ATP1A3: variants seen among roughly 807,000 people sequenced by gnomAD.
The protein encoded by ATP1A3 is ATPase Na+/K+ transporting subunit alpha 3.
In ATP1A3, 12 loss-of-function variants were observed where a neutral mutation model predicts 108.8. The observed-to-expected ratio is 0.11, with a 90% CI of 0.07 to 0.18. ATP1A3 has a LOEUF of 0.18. Ranked by LOEUF, ATP1A3 falls within the 10% of genes least tolerant of loss-of-function variation. The pLI is 1.00. For synonymous variants in ATP1A3, 539 were observed against 564.5 expected, an observed-to-expected ratio of 0.95 and a Z score of 0.64; for missense variants, 498 against 1,387.7, an observed-to-expected ratio of 0.36 and a Z score of 10.19.
intron 1 of ATP1A3, 109 bp downstream of exon 1, chr19:41,993,962 C>A (rs1207605725): frequency 6.4e-7 from 1 of 1,552,692 alleles, no homozygotes; most frequent in African/African-American, 1.4e-5. Context: ...GTCTCGCAGG[C>A]CTGGCCCCGG....
intron 4 of ATP1A3, among the ~76,000 whole-genome samples, chr19:41,987,713 G>A (rs578165435): frequency 6.3e-4 from 96 of 152,234 alleles, no homozygotes; most frequent in Admixed American, 1.6e-3. Flanking sequence ...ACAGAGCCCC[G>A]GCTCACACAT....
chr19:41,977,833 A>G (rs1270256168), intron 14 of ATP1A3, 103 bp downstream of exon 14: 4 of 1,517,782 alleles, frequency 2.6e-6, no homozygotes, highest in Non-Finnish European at 3.6e-6. Context: ...GAGTCCCAGA[A>G]AGAATGGGAC....
chr19:41,993,439 C>G, intron 1 of ATP1A3: 1 of 1,535,390 alleles, frequency 6.5e-7, no homozygotes, highest in Non-Finnish European at 8.7e-7. Flanking sequence ...CATGCCTGCT[C>G]CCCTACATGA....
At position 41,967,480 on chromosome 19, in the gene ATP1A3, G is replaced by A. The variant is rs1283954669; in HGVS notation, c.2922-140C>T. The A allele has an allele frequency of 2.5e-6, 3 of 1,222,034 alleles. No individual in the cohort carries two copies. Among genetic ancestry groups the A allele is most frequent in the African/African-American group, 3.0e-5 (2 of 66,460 alleles). The allele number at this position is 1,222,034 out of a possible 1,614,324, so 75.7% of individuals were successfully genotyped here. A position where few individuals can be genotyped will look rare whatever the true frequency, so the allele number is the denominator to read the frequency against. ...TGGAGGGTGCCCTGGGCGGGGCTGGGGCCTGGGGTCTTCGGAGTAATCCGT... is the reference window on the plus strand; with the variant it reads ...TGGAGGGTGCCCTGGGCGGGGCTGGAGCCTGGGGTCTTCGGAGTAATCCGT... On this transcript the variant is annotated intron_variant, in intron 21 of 22. Transcript: ENST00000648268. The surrounding 1 kb of genome is among the most constrained non-coding windows in gnomAD (Gnocchi z 4.2).
At chr19:41,987,552 G>A (rs150838406) in intron 4 of ATP1A3, among the ~76,000 whole-genome samples, 2 of 152,282 alleles carry the variant, frequency 1.3e-5, no homozygotes, top group East Asian at 1.9e-4. Flanking sequence ...GCTGCATCTC[G>A]AATGTGTCCC....
intron 19 of ATP1A3, 91 bp downstream of exon 19, chr19:41,969,344 G>A: frequency 1.3e-6 from 2 of 1,589,168 alleles, no homozygotes; most frequent in Non-Finnish European, 8.6e-7. Context: ...GAGACTGAGG[G>A]GGCCATCGTA....
At position 41,967,058 on chromosome 19, in the gene ATP1A3, G is replaced by C; in HGVS notation, c.3014-93C>G. On this transcript the variant is annotated intron_variant, in intron 22 of 22. Coordinates refer to ENST00000648268, the MANE Select transcript of ATP1A3 (RefSeq NM_152296.5). The surrounding 1 kb of genome is among the most constrained non-coding windows in gnomAD (Gnocchi z 4.2). Reference sequence around the variant, plus strand: ...CCCAGCAGAGAGAGGGACAGAGAGGGAGAGAGACAAGGAAACCACACAGAC... The same window carrying C: ...CCCAGCAGAGAGAGGGACAGAGAGGCAGAGAGACAAGGAAACCACACAGAC... The C allele has an allele frequency of 1.3e-6, 2 of 1,551,666 alleles. No individual in the cohort carries two copies. The highest frequency in any genetic ancestry group is 2.4e-5 in the South Asian group (2 of 84,010).
chr19:41,970,086 C>T, intron 18 of ATP1A3, 99 bp downstream of exon 18: 7 of 1,602,010 alleles, frequency 4.4e-6, no homozygotes, highest in Non-Finnish European at 6.0e-6. Flanking sequence ...ACGTCTGCTC[C>T]CCTGAGTCAA....
intron 8 of ATP1A3, chr19:41,984,615 C>T (rs1213674969): frequency 1.3e-5 from 5 of 376,608 alleles, no homozygotes; most frequent in African/African-American, 4.0e-5. Context: ...TGGCTCTTTA[C>T]GGCTTGCCAG....
Position 41,967,378 on chromosome 19 carries a change from C to G in ATP1A3, c.2922-38G>C, listed in dbSNP as rs1238820490. On this transcript the variant is annotated intron_variant, in intron 21 of 22. Transcript: ENST00000648268. The surrounding 1 kb of genome is among the most constrained non-coding windows in gnomAD (Gnocchi z 4.2). Reference sequence around the variant, plus strand: ...GAGCAGGAGGGCTTGAGTGCGGGGCCCTAACGAGAGGCAGAGTTTCAGGGG... The same window carrying G: ...GAGCAGGAGGGCTTGAGTGCGGGGCGCTAACGAGAGGCAGAGTTTCAGGGG... The G allele has an allele frequency of 6.3e-7, 1 of 1,591,386 alleles. No homozygotes were observed. The highest frequency in any genetic ancestry group is 1.7e-5 in the Admixed American group (1 of 59,642).
At chr19:41,989,223 A>G (rs1314008021) in intron 1 of ATP1A3, among the ~76,000 whole-genome samples, 4 of 152,002 alleles carry the variant, frequency 2.6e-5, no homozygotes, top group African/African-American at 9.7e-5. Flanking sequence ...TATAGGAATA[A>G]GCCACCGTGC....
At chr19:41,972,563 G>A (rs895267260) in intron 16 of ATP1A3, among the ~76,000 whole-genome samples, 4 of 151,462 alleles carry the variant, frequency 2.6e-5, no homozygotes, top group Non-Finnish European at 5.9e-5. Flanking sequence ...TCAGGAGATC[G>A]AGACTATCCT....
Position 41,967,104 on chromosome 19 carries a change from A to G in ATP1A3, c.3014-139T>C. The stretch of plus-strand genomic sequence containing the variant: ...CAGACAGAGACCCGTGAGAAGACAG[A>G]GTGGGTGCCCGGAGAGATGGGAAGA... On this transcript the variant is annotated intron_variant, in intron 22 of 22. Transcript: ENST00000648268. This position sits in a 1 kb window ranked among gnomAD's most constrained non-coding sequence, Gnocchi z 4.2. The G allele has an allele frequency of 6.4e-7, 1 of 1,553,418 alleles. No homozygotes were observed. The highest frequency in any genetic ancestry group is 8.7e-7 in the Non-Finnish European group (1 of 1,148,040).
In ATP1A3 at chr19:41,967,112, C is replaced by T. The variant is rs1555858780; in HGVS notation, c.3013+137G>A. 2 of 1,554,634 alleles carry T rather than the reference C, an allele frequency of 1.3e-6. No homozygotes were observed. The highest frequency in any genetic ancestry group is 1.7e-6 in the Non-Finnish European group (2 of 1,148,852). Reference sequence around the variant, plus strand: ...GACCCGTGAGAAGACAGAGTGGGTGCCCGGAGAGATGGGAAGAGAGAGAAG... The same window carrying T: ...GACCCGTGAGAAGACAGAGTGGGTGTCCGGAGAGATGGGAAGAGAGAGAAG... On this transcript the variant is annotated intron_variant, in intron 22 of 22. Coordinates refer to ENST00000648268, the MANE Select transcript of ATP1A3 (RefSeq NM_152296.5). This position sits in a 1 kb window ranked among gnomAD's most constrained non-coding sequence, Gnocchi z 4.2.
chr19:41,971,767 A>ATGGGGGGCTGGAATGGTTTTCTC, intron 16 of ATP1A3, among the ~76,000 whole-genome samples: 1 of 152,094 alleles, frequency 6.6e-6, no homozygotes, highest in East Asian at 1.9e-4. Context: ...CAAAACCTAA[A>ATGGGGGGCTGGAATGGTTTTCTC]TGGGGGGCTG....
intron 19 of ATP1A3, among the ~76,000 whole-genome samples, chr19:41,969,176 A>G (rs754288514): frequency 3.3e-5 from 5 of 152,122 alleles, no homozygotes; most frequent in Non-Finnish European, 7.4e-5. Flanking sequence ...CCCAAGGAGG[A>G]CAGACAGCAA....
intron 1 of ATP1A3, among the ~76,000 whole-genome samples, chr19:41,991,930 G>C (rs1425515321): frequency 6.8e-6 from 1 of 147,960 alleles, no homozygotes. Flanking sequence ...CCCTGGGTCT[G>C]AGGGAGGAGG....
At chr19:41,969,161 G>A (rs1318461432) in intron 19 of ATP1A3, among the ~76,000 whole-genome samples, 2 of 152,144 alleles carry the variant, frequency 1.3e-5, no homozygotes, top group East Asian at 1.9e-4. Flanking sequence ...GGACCCTGTG[G>A]GCCTCCCAAG....
Position 41,969,557 on chromosome 19 carries a change from A to C in ATP1A3, c.2566T>G (p.Phe856Val). 6.2e-7 allele frequency: 1 copy of C among 1,610,760 alleles called. No individual in the cohort carries two copies. The highest frequency in any genetic ancestry group is 8.5e-7 in the Non-Finnish European group (1 of 1,178,686). ...GCCAGGATCACAAAGTAAGAGAAGA[A>C]GCCACCGAGAGCCTGGATCATTCCT... ...QIGMIQALGG[F>V]FSYFVILAEN... is the part of the protein sequence containing the mutation. Residue 856 changes from phenylalanine (F) to valine (V), a missense_variant, in exon 19 of 23, where the codon TTC (phenylalanine) becomes GTC (valine). By Grantham distance (50) the Phe-to-Val change is conservative. Around this residue, in one of 9 missense-constraint regions of ATP1A3, gnomAD observed 121 missense variants for 425.1 expected, o/e 0.28. Coordinates refer to ENST00000648268, the MANE Select transcript of ATP1A3 (RefSeq NM_152296.5).
Sources: gnomAD v4.1 joint callset for allele counts (sites outside exome capture counted in the v4.1 genomes callset) on GRCh38, gnomAD v4.1.1 for gene constraint, gnomAD v4.1.1 regional missense constraint, Gnocchi (gnomAD v3.1) non-coding constraint, MANE v1.5 for transcripts, NCBI Gene and HGNC (gene_info 2026-07-23, HGNC 2026-07-21) for gene names.